Variants in MOV10 observed in about 807,000 individuals in gnomAD.
MOV10 encodes the protein RNA helicase MOV-10.
MOV10 carries 39 observed loss-of-function variants against 108.4 expected under a neutral mutation model. That is an observed-to-expected ratio of 0.36 (90% CI 0.28 to 0.47). MOV10 has a LOEUF of 0.47. MOV10 is among the 20% of genes least tolerant of loss of function. The pLI is 1.00. For synonymous variants in MOV10, 490 were observed against 523.1 expected, an observed-to-expected ratio of 0.94 and a Z score of 0.86; for missense variants, 952 against 1,297.6, an observed-to-expected ratio of 0.73 and a Z score of 4.09.
At chr1:112,683,170 T>G (rs1293858391) in intron 2 of MOV10, among the ~76,000 whole-genome samples, 2 of 152,068 alleles carry the variant, frequency 1.3e-5, no homozygotes, top group Non-Finnish European at 2.9e-5. Flanking sequence ...TCCATCCGCC[T>G]TGGCCTCCCA....
In MOV10 at chr1:112,674,982, C is replaced by A; in HGVS notation, c.70C>A (p.Arg24=). The A allele has an allele frequency of 6.3e-7, 1 of 1,581,808 alleles. No individual in the cohort carries two copies. Among genetic ancestry groups the A allele is most frequent in the South Asian group, 1.1e-5 (1 of 88,242 alleles). Residue 24 remains arginine, a synonymous_variant, in exon 2 of 21, where the codon CGG becomes AGG. Coordinates refer to ENST00000369645, the MANE Select transcript of MOV10 (RefSeq NM_001321324.2). ...GQCFESFLVV[R]GLDMETDRER... The stretch of plus-strand genomic sequence containing the variant: ...GTGTTTCGAGAGTTTCCTGGTCGTT[C>A]GGGGACTGGACATGGAGACAGATCG...
In MOV10 at chr1:112,694,180, T is replaced by C. The variant is rs1298202573; in HGVS notation, c.1295+8T>C. The C allele has an allele frequency of 3.1e-6, 5 of 1,614,020 alleles. No individual in the cohort carries two copies. The highest frequency in any genetic ancestry group is 4.2e-6 in the Non-Finnish European group (5 of 1,179,960). ...GCTGAGCTTTTCCATGAGGTGGGTG[T>C]TGGGGGAACCCTGAGCTGCTGGAAG... On this transcript the variant is annotated splice_region_variant and intron_variant, in intron 8 of 20. Coordinates refer to ENST00000369645, the MANE Select transcript of MOV10 (RefSeq NM_001321324.2). The surrounding 1 kb of genome is among the most constrained non-coding windows in gnomAD (Gnocchi z 4.1).
At chr1:112,680,145 G>C (rs553239249) in intron 2 of MOV10, among the ~76,000 whole-genome samples, 2 of 152,162 alleles carry the variant, frequency 1.3e-5, no homozygotes, top group East Asian at 3.9e-4. Flanking sequence ...GTAAAGCATT[G>C]TTATGGGAGA....
Position 112,694,556 on chromosome 1 carries a change from T to C in MOV10, c.1399T>C (p.Trp467Arg). 1.2e-6 allele frequency: 2 copies of C among 1,614,046 alleles called. No individual in the cohort carries two copies. The highest frequency in any genetic ancestry group is 1.7e-5 in the Admixed American group (1 of 60,010). Reference sequence around the variant, plus strand: ...CCGTGCCCTGGAGCTGACAGGGCGCTGGCTGCTGTGGCCCATGCTCTTTCC... The same window carrying C: ...CCGTGCCCTGGAGCTGACAGGGCGCCGGCTGCTGTGGCCCATGCTCTTTCC... ...QHRALELTGR[W>R]LLWPMLFPVA... The change falls in exon 9 of 21, where the codon TGG becomes CGG. Residue 467 changes from tryptophan (W) to arginine (R), a missense_variant. Coordinates refer to ENST00000369645, the MANE Select transcript of MOV10 (RefSeq NM_001321324.2). The surrounding 1 kb of genome is among the most constrained non-coding windows in gnomAD (Gnocchi z 4.1).
At chr1:112,697,477 GA>G (rs997450337) in intron 14 of MOV10, among the ~76,000 whole-genome samples, 67 of 152,086 alleles carry the variant, frequency 4.4e-4, no homozygotes, top group African/African-American at 1.6e-3. Context: ...CTCAAAAAAA[GA>G]AAGAAAAATA....
chr1:112,691,797 C>G lies in MOV10; in HGVS notation c.969C>G (p.Ile323Met). The G allele has an allele frequency of 6.2e-7, 1 of 1,612,486 alleles. No individual in the cohort carries two copies. The highest frequency in any genetic ancestry group is 1.3e-5 in the African/African-American group (1 of 75,022). Residue 323 changes from isoleucine (I) to methionine (M), a missense_variant and splice_region_variant, in exon 6 of 21, where the codon ATC becomes ATG. Physicochemically the swap from Ile to Met is conservative, Grantham distance 10. Coordinates refer to ENST00000369645, the MANE Select transcript of MOV10 (RefSeq NM_001321324.2). ...IFTAPKEIAEIKAQLETALKW... is the reference protein window; with the variant it reads ...IFTAPKEIAEMKAQLETALKW... ...CTGCCCCTAAGGAGATCGCAGAGAT[C>G]AAGTAAGTACCATCCCTCTGCACCC...
intron 17 of MOV10, 152 bp from the exon 18 acceptor site, chr1:112,699,533 T>C (rs1036501083): frequency 5.1e-5 from 76 of 1,481,264 alleles, no homozygotes; most frequent in Non-Finnish European, 6.5e-5. Flanking sequence ...TCCCATCCCC[T>C]TTCCCTGGGC....
chr1:112,695,933 T>G (rs1056180715), intron 11 of MOV10, among the ~76,000 whole-genome samples: 6 of 152,218 alleles, frequency 3.9e-5, no homozygotes, highest in Admixed American at 1.3e-4. Flanking sequence ...CCCCAGCTAC[T>G]CGGGAGGCTG....
At chr1:112,688,479 C>A (rs932654721) in intron 2 of MOV10, 1 of 1,060,916 alleles carries the variant, frequency 9.4e-7, no homozygotes, top group Non-Finnish European at 1.1e-6. Context: ...GATCCCTTCT[C>A]TCCTCACCAA....
chr1:112,675,357 C>T lies in MOV10; in HGVS notation c.137+308C>T, dbSNP rs920419830. Among the ~76,000 whole-genome samples the T allele has an allele frequency of 2.0e-5, 3 of 152,132 alleles. No homozygotes were observed. Among genetic ancestry groups the T allele is most frequent in the Non-Finnish European group, 2.9e-5 (2 of 67,994 alleles). On this transcript the variant is annotated intron_variant, in intron 2 of 20. Coordinates refer to ENST00000369645, the MANE Select transcript of MOV10 (RefSeq NM_001321324.2). The surrounding 1 kb of genome is among the most constrained non-coding windows in gnomAD (Gnocchi z 4.7). ...GGAGCTGCGTCCCGCGTCCATGCGC[C>T]GCTCGCGGGGGCTGAGGGACAGCGC...
chr1:112,696,443 C>A lies in MOV10; in HGVS notation c.1890C>A (p.Val630=). 1 of 1,613,686 alleles carries A rather than the reference C, an allele frequency of 6.2e-7. No individual in the cohort carries two copies. Among genetic ancestry groups the A allele is most frequent in the South Asian group, 1.1e-5 (1 of 91,064 alleles). Reference sequence around the variant, plus strand: ...CTGGCCTGACACCTCCCAGGTTGGTCTCGGCCCAGTTTCCCATTGATCACT... The same window carrying A: ...CTGGCCTGACACCTCCCAGGTTGGTATCGGCCCAGTTTCCCATTGATCACT... ...ITTLITAGRL[V]SAQFPIDHFT... is the part of the protein sequence containing the mutation. Residue 630 remains valine, a synonymous_variant, in exon 13 of 21, where the codon GTC becomes GTA. Transcript: ENST00000369645.
chr1:112,687,413 T>C (rs1267889985), intron 2 of MOV10, among the ~76,000 whole-genome samples: 1 of 152,198 alleles, frequency 6.6e-6, no homozygotes, highest in East Asian at 1.9e-4. Context: ...AAGAGTTAAA[T>C]AGGAATTACC....
At chr1:112,692,397 C>T (rs1673661767) in intron 6 of MOV10, among the ~76,000 whole-genome samples, 1 of 152,164 alleles carries the variant, frequency 6.6e-6, no homozygotes, top group South Asian at 2.1e-4. Flanking sequence ...GTTGGTGCTG[C>T]TTTGCAGAAG....
chr1:112,689,394 C>CA, intron 3 of MOV10, 21 bp from the exon 4 acceptor site: 53 of 1,498,966 alleles, frequency 3.5e-5, no homozygotes, highest in Non-Finnish European at 4.6e-5. Context: ...CCAACCCCCC[C>CA]TTGACTCCCC....
At chr1:112,699,576 C>T in intron 17 of MOV10, 109 bp from the exon 18 acceptor site, 1 of 1,544,462 alleles carries the variant, frequency 6.5e-7, no homozygotes. Flanking sequence ...CACTGATCTA[C>T]AATTGCCCAG....
chr1:112,681,029 A>AT (rs2101271113), intron 2 of MOV10, among the ~76,000 whole-genome samples: 1 of 152,058 alleles, frequency 6.6e-6, no homozygotes, highest in Admixed American at 6.5e-5. Context: ...AGGCATGCTT[A>AT]TATCACACCT....
intron 5 of MOV10, 79 bp from the exon 6 acceptor site, chr1:112,691,586 G>C (rs1274956344): frequency 6.5e-7 from 1 of 1,537,980 alleles, no homozygotes; most frequent in Non-Finnish European, 8.8e-7. Flanking sequence ...GGAGGGCTTT[G>C]TGCATCCACC....
chr1:112,683,567 C>T (rs574986081), intron 2 of MOV10, among the ~76,000 whole-genome samples: 3 of 152,042 alleles, frequency 2.0e-5, no homozygotes, highest in Non-Finnish European at 4.4e-5. Flanking sequence ...TTGAACTTCT[C>T]AGTTGAAGTG....
At position 112,694,147 on chromosome 1, in the gene MOV10, C is replaced by A; in HGVS notation, c.1270C>A (p.Arg424Ser). 11 of 1,614,074 alleles carry A rather than the reference C, an allele frequency of 6.8e-6. No homozygotes were observed. The highest frequency in any genetic ancestry group is 9.3e-6 in the Non-Finnish European group (11 of 1,180,000). The change falls in exon 8 of 21, where the codon CGT becomes AGT. Residue 424 changes from arginine to serine, a missense_variant. Transcript: ENST00000369645. This position sits in a 1 kb window ranked among gnomAD's most constrained non-coding sequence, Gnocchi z 4.1. ...KGFVHKVELD[R>S]VKLSFSMSLL... is the part of the protein sequence containing the mutation. ...CTTTGTGCACAAGGTGGAATTGGACCGTGTCAAGCTGAGCTTTTCCATGAG... is the reference window on the plus strand; with the variant it reads ...CTTTGTGCACAAGGTGGAATTGGACAGTGTCAAGCTGAGCTTTTCCATGAG...
Sources: gnomAD v4.1 joint callset for allele counts (sites outside exome capture counted in the v4.1 genomes callset) on GRCh38, gnomAD v4.1.1 for gene constraint, Gnocchi (gnomAD v3.1) non-coding constraint, MANE v1.5 for transcripts, NCBI Gene and HGNC (gene_info 2026-07-23, HGNC 2026-07-21) for gene names.